Variants in AKT3 observed in about 807,000 individuals in gnomAD.
The protein encoded by AKT3 is AKT serine/threonine kinase 3, also known as RAC-gamma serine/threonine-protein kinase.
In AKT3, 15 loss-of-function variants were observed where a neutral mutation model predicts 65.3. That is an observed-to-expected ratio of 0.23 (90% confidence interval 0.15 to 0.35). The LOEUF (loss-of-function observed/expected upper bound fraction) is 0.35. Ranked by LOEUF, AKT3 falls within the 10% of genes least tolerant of loss-of-function variation. The pLI is 1.00. For missense variants in AKT3, 243 were observed against 576.5 expected (o/e 0.42, Z 5.92); for synonymous variants, 206 against 183.8 (o/e 1.12, Z -0.98).
chr1:243,826,880 A>T (rs1012196084), intron 2 of AKT3, among the ~76,000 whole-genome samples: 1 of 152,254 alleles, frequency 6.6e-6, no homozygotes, highest in East Asian at 1.9e-4. Context: ...TACAAACAAA[A>T]AGCAAACATT....
intron 8 of AKT3, among the ~76,000 whole-genome samples, chr1:243,588,311 C>CTCA (rs1675951440): frequency 6.6e-6 from 1 of 152,116 alleles, no homozygotes; most frequent in Admixed American, 6.5e-5. Context: ...GCTCTTAGAG[C>CTCA]TCACGCAGAG....
At chr1:243,566,025 T>C (rs955300006) in intron 9 of AKT3, among the ~76,000 whole-genome samples, 2 of 152,186 alleles carry the variant, frequency 1.3e-5, no homozygotes, top group African/African-American at 4.8e-5. Flanking sequence ...TAGTTTGGTG[T>C]GTAATGTGCC....
At chr1:243,731,993 CATT>C in intron 2 of AKT3, among the ~76,000 whole-genome samples, 1 of 152,310 alleles carries the variant, frequency 6.6e-6, no homozygotes, top group Admixed American at 6.5e-5. Context: ...ATGCCATCTA[CATT>C]ATTTACTTAA....
At chr1:243,496,689 G>A (rs1248850924), downstream of AKT3, among the ~76,000 whole-genome samples, 1 of 152,250 alleles carries the variant, frequency 6.6e-6, no homozygotes, top group African/African-American at 2.4e-5. Flanking sequence ...TGGCTGGTTT[G>A]GGAACAAAGC....
chr1:243,795,475 G>GTTTTTTTTTTTTTTTTTTTTTTTTTT (rs369512939), intron 2 of AKT3, among the ~76,000 whole-genome samples: 2 of 88,016 alleles, frequency 2.3e-5, no homozygotes, highest in Non-Finnish European at 3.8e-5. Flanking sequence ...TTTTTTTTTT[G>GTTTTTTTTTTTTTTTTTTTTTTTTTT]GTTTTTTTTT....
chr1:243,651,304 G>A (rs953516826), intron 4 of AKT3, among the ~76,000 whole-genome samples: 2 of 152,142 alleles, frequency 1.3e-5, no homozygotes, highest in Non-Finnish European at 2.9e-5. Flanking sequence ...CTGAGACAAC[G>A]GGGTTTTCTA....
chr1:243,787,478 C>T (rs779125699), intron 2 of AKT3, among the ~76,000 whole-genome samples: 1 of 152,154 alleles, frequency 6.6e-6, no homozygotes. Flanking sequence ...ACACTTCCCA[C>T]CCCCGATGTC....
chr1:243,702,486 C>T (rs1685529438), intron 2 of AKT3, among the ~76,000 whole-genome samples: 2 of 152,078 alleles, frequency 1.3e-5, no homozygotes, highest in Admixed American at 6.6e-5. Context: ...TTTGTAAGGA[C>T]ATAATGTAAA....
chr1:243,666,104 A>AG (rs1682753154), intron 3 of AKT3, among the ~76,000 whole-genome samples: 1 of 152,088 alleles, frequency 6.6e-6, no homozygotes, highest in African/African-American at 2.4e-5. Context: ...GCTGGGTTCA[A>AG]GTGATTGTCA....
intron 2 of AKT3, among the ~76,000 whole-genome samples, chr1:243,789,105 T>C (rs1268948313): frequency 6.6e-6 from 1 of 152,056 alleles, no homozygotes; most frequent in Non-Finnish European, 1.5e-5. Context: ...TGGCCAGGGG[T>C]GGTAGCTCAC....
chr1:243,659,791 G>A (rs1572121105), intron 4 of AKT3, among the ~76,000 whole-genome samples: 1 of 152,280 alleles, frequency 6.6e-6, no homozygotes, highest in East Asian at 1.9e-4. Flanking sequence ...AGACTGGGCA[G>A]AATATTAAAA....
intron 8 of AKT3, among the ~76,000 whole-genome samples, chr1:243,585,495 A>G (rs1480470263): frequency 6.6e-6 from 1 of 152,188 alleles, no homozygotes. Context: ...GAACCATACT[A>G]TAAAGCTACA....
intron 2 of AKT3, among the ~76,000 whole-genome samples, chr1:243,724,991 C>T (rs114174916): frequency 0.013 from 1,915 of 151,656 alleles, 37 homozygotes; most frequent in African/African-American, 0.044. Context: ...TCACTTGAGG[C>T]CAGGAGTCCA....
intron 6 of AKT3, among the ~76,000 whole-genome samples, chr1:243,633,284 G>C (rs372507364): frequency 6.6e-6 from 1 of 152,028 alleles, no homozygotes; most frequent in African/African-American, 2.4e-5. Context: ...TTAAATATAA[G>C]GACATTAGAC....
intron 2 of AKT3, among the ~76,000 whole-genome samples, chr1:243,803,689 CACAT>C (rs1335949882): frequency 6.9e-4 from 79 of 114,338 alleles, no homozygotes; most frequent in African/African-American, 2.0e-3. Flanking sequence ...CACACACACA[CACAT>C]AAGACTGAAA....
chr1:243,640,487 A>T (rs971659720), intron 5 of AKT3, among the ~76,000 whole-genome samples: 5 of 152,202 alleles, frequency 3.3e-5, no homozygotes, highest in Non-Finnish European at 2.9e-5. Context: ...CAAAGCCTTT[A>T]AGCCTGGCAG....
At chr1:243,563,436 C>A (rs1304347545) in intron 10 of AKT3, among the ~76,000 whole-genome samples, 1 of 152,022 alleles carries the variant, frequency 6.6e-6, no homozygotes, top group African/African-American at 2.4e-5. Context: ...ATAAATGAAT[C>A]AAAATGGGTA....
intron 12 of AKT3, among the ~76,000 whole-genome samples, chr1:243,527,720 A>G (rs2148403680): frequency 1.3e-5 from 2 of 152,312 alleles, no homozygotes; most frequent in South Asian, 4.1e-4. Context: ...ATAAGAAGGC[A>G]GAACTTCTGC....
downstream of AKT3, chr1:243,499,719 T>A (rs368178462): frequency 2.0e-6 from 3 of 1,504,980 alleles, no homozygotes; most frequent in African/African-American, 4.1e-5. Context: ...TTGAAGAACA[T>A]GAGCTATTGA....
Sources: allele counts gnomAD v4.1 joint callset (sites outside exome capture counted in the v4.1 genomes callset), GRCh38; gene constraint gnomAD v4.1.1; transcripts MANE v1.5; gene names NCBI Gene and HGNC (gene_info 2026-07-23, HGNC 2026-07-21).